Variants in LIPI observed in about 807,000 individuals in gnomAD.
LIPI encodes the protein lipase I.
Under a neutral mutation model 50.6 loss-of-function variants are expected in LIPI, and 59 were observed. The ratio of observed to expected loss-of-function variants is 1.16; its 90% CI spans 0.94 to 1.45. The LOEUF is 1.45. Among genes scored for constraint, LIPI ranks in the 40% most tolerant of loss-of-function variants. The pLI, the probability that LIPI is intolerant of heterozygous loss-of-function variation, is 0.00. For missense variants in LIPI, 586 were observed against 536.3 expected (o/e 1.09, Z -0.92); for synonymous variants, 203 against 178.2 (o/e 1.14, Z -1.11).
rs183268960 is a variant in LIPI, at chr21:14,193,631, G to A, written c.47-4212C>T. On this transcript the variant is annotated intron_variant, in intron 1 of 9. Transcript: ENST00000681601. ...AAGCAAATTAACTAAGTTAAAATCT[G>A]TTACAAGAGACAAATATATTAAAAT... 5.9e-5 allele frequency among the ~76,000 whole-genome samples: 9 copies of A among 152,168 alleles called. No individual in the cohort carries two copies. The East Asian group carries it at 1.4e-3, about 23-fold the overall frequency.
chr21:14,176,499 T>C (rs1216928723), intron 4 of LIPI, among the ~76,000 whole-genome samples: 1 of 151,858 alleles, frequency 6.6e-6, no homozygotes, highest in Non-Finnish European at 1.5e-5. Context: ...ATAATGTGAA[T>C]ATTCAATTCA....
intron 8 of LIPI, among the ~76,000 whole-genome samples, chr21:14,151,719 A>C (rs1400832903): frequency 6.6e-6 from 1 of 152,186 alleles, no homozygotes; most frequent in Non-Finnish European, 1.5e-5. Flanking sequence ...AGAATTTATT[A>C]AACACAGAAA....
At chr21:14,133,293 T>G (rs2017366524) in intron 9 of LIPI, among the ~76,000 whole-genome samples, 2 of 152,170 alleles carry the variant, frequency 1.3e-5, no homozygotes, top group East Asian at 3.8e-4. Flanking sequence ...TACACTGTGA[T>G]CATGTGGGAT....
intron 9 of LIPI, among the ~76,000 whole-genome samples, chr21:14,122,765 A>G (rs186213939): frequency 6.6e-6 from 1 of 152,268 alleles, no homozygotes; most frequent in East Asian, 1.9e-4. Flanking sequence ...AGCCAAACAT[A>G]CCTTTTTGGA....
intron 4 of LIPI, among the ~76,000 whole-genome samples, chr21:14,172,748 G>A (rs1040629420): frequency 2.0e-5 from 3 of 151,974 alleles, no homozygotes; most frequent in Admixed American, 2.0e-4. Context: ...GATAGCACTA[G>A]GAGATATACC....
intron 5 of LIPI, among the ~76,000 whole-genome samples, chr21:14,165,779 T>C (rs967023961): frequency 3.9e-5 from 6 of 152,178 alleles, no homozygotes; most frequent in African/African-American, 1.4e-4. Flanking sequence ...AAAACTTTAT[T>C]ACCTTCCTTT....
At chr21:14,135,086 T>C (rs2017442647) in intron 9 of LIPI, among the ~76,000 whole-genome samples, 1 of 151,914 alleles carries the variant, frequency 6.6e-6, no homozygotes, top group Non-Finnish European at 1.5e-5. Flanking sequence ...CTCAAACAGC[T>C]CAAAAAGCAA....
At chr21:14,181,657 T>C in intron 4 of LIPI, 101 bp downstream of exon 4, 1 of 699,142 alleles carries the variant, frequency 1.4e-6, no homozygotes, top group Non-Finnish European at 2.6e-6. Flanking sequence ...TTAAAATCAT[T>C]TTATCCATGA....
intron 9 of LIPI, among the ~76,000 whole-genome samples, chr21:14,110,141 A>G (rs2016344521): frequency 6.6e-6 from 1 of 151,804 alleles, no homozygotes; most frequent in Admixed American, 6.6e-5. Flanking sequence ...AAATATAGTA[A>G]TAAAAATTTT....
Position 14,147,959 on chromosome 21 carries a change from A to G in LIPI, c.1119-3160T>C, listed in dbSNP as rs117610199. Among the ~76,000 whole-genome samples, 1,480 of 152,144 alleles carry G rather than the reference A, an allele frequency of 9.7e-3. 13 individuals carry two copies. Among genetic ancestry groups the G allele is most frequent in the Non-Finnish European group, 0.016 (1,075 of 67,996 alleles). The stretch of plus-strand genomic sequence containing the variant: ...TCCTATCTCACGTCTTGCTCCCTCT[A>G]ATCTCTCCATTACTCATATGTCTGG... On this transcript the variant is annotated intron_variant, in intron 8 of 9. Coordinates refer to ENST00000681601, the MANE Select transcript of LIPI (RefSeq NM_001302998.2).
At chr21:14,185,335 TA>T (rs139596307) in intron 3 of LIPI, among the ~76,000 whole-genome samples, 6,593 of 152,252 alleles carry the variant, frequency 0.043, 177 homozygotes, top group African/African-American at 0.071. Flanking sequence ...TCTTAGCTAA[TA>T]CATAAAGTAT....
At chr21:14,206,845 G>A (rs757031974) in intron 1 of LIPI, 1 of 1,611,428 alleles carries the variant, frequency 6.2e-7, no homozygotes, top group Admixed American at 1.7e-5. Flanking sequence ...AGAAGCCACA[G>A]GACATTTCTG....
chr21:14,114,253 A>G (rs1004960131), intron 9 of LIPI, among the ~76,000 whole-genome samples: 4 of 152,136 alleles, frequency 2.6e-5, no homozygotes, highest in Non-Finnish European at 5.9e-5. Flanking sequence ...ACCACAATGA[A>G]TCAATTATTC....
intron 4 of LIPI, 57 bp from the exon 5 acceptor site, chr21:14,166,508 C>T: frequency 1.1e-6 from 1 of 906,576 alleles, no homozygotes; most frequent in Non-Finnish European, 1.9e-6. Flanking sequence ...GAGTATCTTG[C>T]ATAAAACAAA....
chr21:14,172,984 A>G (rs1179060739), intron 4 of LIPI, among the ~76,000 whole-genome samples: 2 of 152,224 alleles, frequency 1.3e-5, no homozygotes, highest in African/African-American at 4.8e-5. Context: ...TGAAATAATA[A>G]TAAGTGCTAT....
At chr21:14,121,140 A>G (rs1175947535) in intron 9 of LIPI, among the ~76,000 whole-genome samples, 1 of 152,232 alleles carries the variant, frequency 6.6e-6, no homozygotes, top group Non-Finnish European at 1.5e-5. Flanking sequence ...ATTAAAAGAT[A>G]TTATTCTTAG....
chr21:14,143,579 TAAAGAGAAATAA>T (rs1237105328), intron 9 of LIPI: 1 of 151,858 alleles, frequency 6.6e-6, no homozygotes, highest in East Asian at 1.9e-4. Flanking sequence ...TACAGGAACA[TAAAGAGAAATAA>T]AGAGGAAGCA....
intron 7 of LIPI, among the ~76,000 whole-genome samples, chr21:14,160,358 A>G (rs2018420387): frequency 6.6e-6 from 1 of 151,336 alleles, no homozygotes; most frequent in Admixed American, 6.6e-5. Context: ...GTCAATAAAC[A>G]TATCGATATA....
chr21:14,148,476 G>T (rs1309255783), intron 8 of LIPI, among the ~76,000 whole-genome samples: 1 of 152,050 alleles, frequency 6.6e-6, no homozygotes, highest in Admixed American at 6.6e-5. Context: ...ATATGACAGT[G>T]GTCCCATAAA....
Sources: gnomAD v4.1 joint callset for allele counts (sites outside exome capture counted in the v4.1 genomes callset) on GRCh38, gnomAD v4.1.1 for gene constraint, MANE v1.5 for transcripts, NCBI Gene and HGNC (gene_info 2026-07-23, HGNC 2026-07-21) for gene names.